The following NFATC1 variants were observed in gnomAD, a reference collection of about 807,000 sequenced individuals.
NFATC1 encodes the protein nuclear factor of activated T cells 1.
A neutral mutation model predicts 76.0 loss-of-function variants in NFATC1; 22 were observed. The observed-to-expected ratio is 0.29, with a 90% CI of 0.21 to 0.41. NFATC1 has a LOEUF of 0.41. Ranked by LOEUF, NFATC1 falls within the 10% of genes least tolerant of loss-of-function variation. The pLI is 1.00. For synonymous variants in NFATC1, 704 were observed against 613.1 expected (o/e 1.15, Z -2.19); for missense variants, 1,357 against 1,337.7 (o/e 1.01, Z -0.23).
rs771458413 is a variant in NFATC1, at chr18:79,451,800, C to T, written c.1887C>T (p.Phe629=). The T allele has an allele frequency of 6.8e-6, 11 of 1,610,832 alleles. No individual in the cohort carries two copies. The highest frequency in any genetic ancestry group is 6.7e-5 in the Admixed American group (4 of 59,674). ...HNFLQDSKVI[F]VEKAPDGHHV... is the part of the protein sequence containing the mutation. ...TCCTGCAGGACTCCAAGGTCATTTTCGTGGAGAAAGCCCCAGGTATGCTCT... is the reference window on the plus strand; with the variant it reads ...TCCTGCAGGACTCCAAGGTCATTTTTGTGGAGAAAGCCCCAGGTATGCTCT... The change falls in exon 6 of 10, where the codon TTC becomes TTT. Residue 629 remains phenylalanine (F), a synonymous_variant. Transcript: ENST00000427363.
At position 79,410,170 on chromosome 18, in the gene NFATC1, G is replaced by C. The variant is rs2085613144; in HGVS notation, c.128-233G>C. On this transcript the variant is annotated intron_variant, in intron 1 of 9. Transcript: ENST00000427363. This position sits in a 1 kb window ranked among gnomAD's most constrained non-coding sequence, Gnocchi z 6.7. ...GCTTGTGCTGCTGTTAGGGGAGGAGGGGAGGTGGGCAGTGAGGGGCTCACG... is the reference window on the plus strand; with the variant it reads ...GCTTGTGCTGCTGTTAGGGGAGGAGCGGAGGTGGGCAGTGAGGGGCTCACG... The C allele has an allele frequency of 3.9e-6, 3 of 764,216 alleles. No homozygotes were observed. The highest frequency in any genetic ancestry group is 7.1e-6 in the Non-Finnish European group (3 of 423,600). The allele number at this position is 764,216 out of a possible 1,614,324, so 47.3% of individuals were successfully genotyped here. A position where few individuals can be genotyped will look rare whatever the true frequency, so the allele number is the denominator to read the frequency against.
chr18:79,447,980 G>A (rs972173781), intron 3 of NFATC1, among the ~76,000 whole-genome samples: 3 of 152,196 alleles, frequency 2.0e-5, no homozygotes, highest in South Asian at 2.1e-4. Flanking sequence ...GCCGTGAGGC[G>A]CACACCTTCC....
intron 4 of NFATC1, 72 bp downstream of exon 4, chr18:79,449,056 G>C (rs994197966): frequency 5.3e-6 from 8 of 1,507,854 alleles, no homozygotes; most frequent in Non-Finnish European, 7.2e-6. Flanking sequence ...CCAGTCCCGG[G>C]GGGTCTGGCC....
chr18:79,413,478 G>C (rs1310174062), intron 2 of NFATC1, among the ~76,000 whole-genome samples: 1 of 152,160 alleles, frequency 6.6e-6, no homozygotes, highest in Non-Finnish European at 1.5e-5. Context: ...TCCATCCACC[G>C]TGCATGTCTG....
chr18:79,399,520 G>A (rs1225436617), intron 1 of NFATC1, among the ~76,000 whole-genome samples: 1 of 152,264 alleles, frequency 6.6e-6, no homozygotes, highest in Non-Finnish European at 1.5e-5. Context: ...TAGAACACGC[G>A]GCGGGAGAGG....
chr18:79,507,751 T>C (rs546565617), intron 9 of NFATC1, among the ~76,000 whole-genome samples: 1 of 152,320 alleles, frequency 6.6e-6, no homozygotes, highest in Non-Finnish European at 1.5e-5. Flanking sequence ...AGAAAAACCT[T>C]CTCCCTCGCC....
chr18:79,518,021 T>A (rs2090426220), intron 9 of NFATC1, among the ~76,000 whole-genome samples: 1 of 152,234 alleles, frequency 6.6e-6, no homozygotes, highest in Non-Finnish European at 1.5e-5. Context: ...CTAAAAACAA[T>A]TCTAGCGCTG....
intron 9 of NFATC1, among the ~76,000 whole-genome samples, chr18:79,517,547 G>C (rs1406535590): frequency 6.6e-6 from 1 of 152,212 alleles, no homozygotes; most frequent in African/African-American, 2.4e-5. Context: ...AGAGGCAATA[G>C]GAACATGCCC....
chr18:79,501,817 C>T (rs1259283304), intron 9 of NFATC1, among the ~76,000 whole-genome samples: 1 of 152,050 alleles, frequency 6.6e-6, no homozygotes, highest in Non-Finnish European at 1.5e-5. Context: ...AAGTTAAGGA[C>T]TTATACTCTG....
chr18:79,486,278 A>G lies in NFATC1; in HGVS notation c.2123A>G (p.Asp708Gly), dbSNP rs1158156740. ...ATTATAAAAACAGAACCCACTGATGATTATGAGCCTGCTCCAACCTGTGGA... is the reference window on the plus strand; with the variant it reads ...ATTATAAAAACAGAACCCACTGATGGTTATGAGCCTGCTCCAACCTGTGGA... Reference protein sequence around the residue: ...VPIIKTEPTDDYEPAPTCGPV... With the variant: ...VPIIKTEPTDGYEPAPTCGPV... The change falls in exon 9 of 10, where the codon GAT becomes GGT. Residue 708 changes from aspartate to glycine, a missense_variant. Around this residue, in one of 3 missense-constraint regions of NFATC1, gnomAD observed 424 missense variants for 395.4 expected, o/e 1.07. Coordinates refer to ENST00000427363, the MANE Select transcript of NFATC1 (RefSeq NM_001278669.2). 2 of 1,611,670 alleles carry G rather than the reference A, an allele frequency of 1.2e-6. No homozygotes were observed. Among genetic ancestry groups the G allele is most frequent in the Non-Finnish European group, 1.7e-6 (2 of 1,178,920 alleles).
chr18:79,400,304 A>G, intron 1 of NFATC1: 3 of 1,274,070 alleles, frequency 2.4e-6, no homozygotes, highest in Admixed American at 4.2e-5. Flanking sequence ...GGGTCACGTT[A>G]CGCGGAGGAC....
intron 2 of NFATC1, 131 bp downstream of exon 2, chr18:79,411,632 G>A: frequency 1.4e-6 from 1 of 696,312 alleles, no homozygotes; most frequent in East Asian, 6.1e-5. Flanking sequence ...TGGGTGGGCA[G>A]GTGGGCTCCT....
intron 2 of NFATC1, among the ~76,000 whole-genome samples, chr18:79,429,516 C>G (rs2086515947): frequency 6.6e-6 from 1 of 152,108 alleles, no homozygotes; most frequent in African/African-American, 2.4e-5. Flanking sequence ...ATGGGCTGGT[C>G]AGAGACCCCC....
chr18:79,508,888 G>A lies in NFATC1; in HGVS notation c.2783-18640G>A, dbSNP rs150753429. On this transcript the variant is annotated intron_variant, in intron 9 of 9. Transcript: ENST00000427363. Reference sequence around the variant, plus strand: ...TCTCTGCCTCTCTGTCTCTCTCTCCGTCCCTCCCTCCCTCCCTTTCTCTCT... The same window carrying A: ...TCTCTGCCTCTCTGTCTCTCTCTCCATCCCTCCCTCCCTCCCTTTCTCTCT... 6.0e-3 allele frequency among the ~76,000 whole-genome samples: 899 copies of A among 150,690 alleles called. 22 individuals are homozygous for A. The highest frequency in any genetic ancestry group is 0.053 in the Admixed American group (799 of 15,170).
At chr18:79,420,554 G>A (rs183103425) in intron 2 of NFATC1, among the ~76,000 whole-genome samples, 26 of 151,172 alleles carry the variant, frequency 1.7e-4, no homozygotes, top group African/African-American at 4.9e-4. Flanking sequence ...AGGGGGATGC[G>A]TTTCCAGGTG....
In NFATC1 at chr18:79,467,472, C is replaced by T. The variant is rs2088570378; in HGVS notation, c.1982C>T (p.Pro661Leu). ...TAGAATTCTCTGGTGGTTGAGATCC[C>T]GCCATTTCGGAATCAGAGGATAACC... ...CKPNSLVVEI[P>L]PFRNQRITSP... The change falls in exon 8 of 10, where the codon CCG (proline) becomes CTG (leucine). Residue 661 changes from proline (P) to leucine (L), a missense_variant. By Grantham distance (98) the Pro-to-Leu change is moderately conservative (BLOSUM62 -3). Transcript: ENST00000427363. The T allele has an allele frequency of 1.2e-6, 2 of 1,607,964 alleles. No individual in the cohort carries two copies. Among genetic ancestry groups the T allele is most frequent in the Non-Finnish European group, 1.7e-6 (2 of 1,175,796 alleles).
At chr18:79,448,510 G>A (rs2144763596) in intron 3 of NFATC1, 1 of 485,060 alleles carries the variant, frequency 2.1e-6, no homozygotes, top group South Asian at 2.8e-5. Context: ...CAGCTTCACT[G>A]TGGCCTCAGA....
intron 1 of NFATC1, chr18:79,400,256 G>GCGGGGC (rs537843771): frequency 4.3e-5 from 52 of 1,196,488 alleles, no homozygotes; most frequent in Non-Finnish European, 4.5e-5. Flanking sequence ...GAAACGCCCC[G>GCGGGGC]GGGGGCGGGG....
At chr18:79,473,709 G>A (rs1010518520) in intron 8 of NFATC1, among the ~76,000 whole-genome samples, 1 of 149,666 alleles carries the variant, frequency 6.7e-6, no homozygotes, top group Non-Finnish European at 1.5e-5. Context: ...CACTGTCGAC[G>A]TTGCAAGGGA....
Sources: allele counts gnomAD v4.1 joint callset (sites outside exome capture counted in the v4.1 genomes callset), GRCh38; gene constraint gnomAD v4.1.1; regional missense constraint gnomAD v4.1.1; non-coding constraint Gnocchi (gnomAD v3.1); transcripts MANE v1.5; gene names NCBI Gene and HGNC (gene_info 2026-07-23, HGNC 2026-07-21).